PXMP2: variants seen among roughly 807,000 people sequenced by gnomAD.
PXMP2 encodes peroxisomal membrane protein 2, also known as 22 kDa peroxisomal membrane protein.
PXMP2 carries 13 observed loss-of-function variants against 20.2 expected under a neutral mutation model. The observed-to-expected ratio is 0.64, with a 90% CI of 0.42 to 1.02. The LOEUF (loss-of-function observed/expected upper bound fraction) is 1.02, where lower values mean the gene tolerates loss of function less well. Among genes scored for constraint, PXMP2 ranks in the 50% least tolerant of loss-of-function variants. The probability of loss-of-function intolerance (pLI) is 0.00; values close to 1 mark genes in which losing one functional copy is unlikely to be tolerated. For missense variants in PXMP2, 284 were observed against 251.8 expected, an observed-to-expected ratio of 1.13 and a Z score of -0.87; for synonymous variants, 113 against 111.2, an observed-to-expected ratio of 1.02 and a Z score of -0.10.
chr12:132,697,708 AT>A (rs1308794235), intron 3 of PXMP2, among the ~76,000 whole-genome samples: 4 of 151,904 alleles, frequency 2.6e-5, no homozygotes, highest in African/African-American at 9.7e-5. Flanking sequence ...GCCCAGCCGT[AT>A]TTTATTTTAT....
rs12423943 is a variant in PXMP2, at chr12:132,692,417, T to G, written c.236+2041T>G. Among the ~76,000 whole-genome samples the G allele has an allele frequency of 6.5e-4, 53 of 82,124 alleles. 5 individuals carry two copies. The highest frequency in any genetic ancestry group is 7.5e-3 in the Middle Eastern group (1 of 134). 53.9% of individuals were successfully genotyped at this position (82,124 alleles called of 152,430 possible). On this transcript the variant is annotated intron_variant, in intron 2 of 4. Transcript: ENST00000317479. ...TCCCTTAGCCAGTTAATTAGTGAGC[T>G]CCCTTAGCCAGTTAGTTAGTGAGCG...
Position 132,696,108 on chromosome 12 carries a change from C to T in PXMP2, c.399+62C>T. On this transcript the variant is annotated intron_variant, in intron 3 of 4. Transcript: ENST00000317479. The surrounding 1 kb of genome is among the most constrained non-coding windows in gnomAD (Gnocchi z 4.4). ...TTTAGCACAGGGATTCTTCACCTGA[C>T]ATTCTCGGCAGAATTCAGAGGGTCT... The T allele has an allele frequency of 1.4e-6, 2 of 1,469,768 alleles. No individual in the cohort carries two copies. The highest frequency in any genetic ancestry group is 1.4e-5 in the African/African-American group (1 of 70,668). The allele number at this position is 1,469,768 out of a possible 1,614,324, so 91.0% of individuals were successfully genotyped here.
At chr12:132,694,881 G>A (rs576907247) in intron 2 of PXMP2, among the ~76,000 whole-genome samples, 5 of 144,418 alleles carry the variant, frequency 3.5e-5, no homozygotes, top group African/African-American at 7.9e-5. Context: ...GTTAGTTAGT[G>A]AGCGCCCTTG....
At chr12:132,699,786 G>A (rs374561322) in intron 3 of PXMP2, among the ~76,000 whole-genome samples, 2 of 152,030 alleles carry the variant, frequency 1.3e-5, no homozygotes, top group East Asian at 3.9e-4. Context: ...GGACGTTTAG[G>A]TTGATTCCAC....
intron 2 of PXMP2, among the ~76,000 whole-genome samples, chr12:132,694,921 CAGTTAGTGAGCTCCCTTAGCCAGTT>C (rs1565991612): frequency 9.1e-6 from 1 of 109,932 alleles, no homozygotes; most frequent in East Asian, 2.9e-4. Context: ...CCTTGCCAGT[CAGTTAGTGAGCTCCCTTAGCCAGTT>C]AGTTAGTGAG....
At chr12:132,692,293 C>T (rs1367463519) in intron 2 of PXMP2, among the ~76,000 whole-genome samples, 5 of 144,492 alleles carry the variant, frequency 3.5e-5, no homozygotes, top group African/African-American at 1.3e-4. Flanking sequence ...AGTTAGTGAG[C>T]TCCCTTGCCA....
chr12:132,703,450 G>A (rs925613048), intron 4 of PXMP2, among the ~76,000 whole-genome samples: 5 of 152,180 alleles, frequency 3.3e-5, no homozygotes, highest in Admixed American at 1.3e-4. Context: ...CCCCTAAGGA[G>A]TCAGGGTGGA....
intron 3 of PXMP2, among the ~76,000 whole-genome samples, chr12:132,698,289 T>C (rs113096179): frequency 0.039 from 5,910 of 152,294 alleles, 378 homozygotes; most frequent in African/African-American, 0.13. Context: ...GGATTACAGG[T>C]GTGAGCCACT....
In PXMP2 at chr12:132,690,348, G is replaced by C. The variant is rs761233760; in HGVS notation, c.208G>C (p.Gly70Arg). ...KKENSRSLDV[G>R]GPLRYAVYGF... ...AGAAAACTCTAGAAGTCTGGATGTC[G>C]GTGGGCCTCTGAGATATGCCGTTTA... is the stretch of plus-strand genomic sequence containing the variant. The change falls in exon 2 of 5, where the codon GGT (glycine) becomes CGT (arginine). Residue 70 changes from glycine to arginine, a missense_variant. By Grantham distance (125) the Gly-to-Arg change is moderately radical. Coordinates refer to ENST00000317479, the MANE Select transcript of PXMP2 (RefSeq NM_018663.3). 6.2e-7 allele frequency: 1 copy of C among 1,613,836 alleles called. No individual in the cohort carries two copies. Among genetic ancestry groups the C allele is most frequent in the Non-Finnish European group, 8.5e-7 (1 of 1,179,870 alleles).
At chr12:132,689,811 G>C (rs1330703997) in intron 1 of PXMP2, among the ~76,000 whole-genome samples, 1 of 152,120 alleles carries the variant, frequency 6.6e-6, no homozygotes, top group African/African-American at 2.4e-5. Context: ...GTGCAGTATC[G>C]ACCAGGGCAT....
intron 1 of PXMP2, chr12:132,688,022 C>A: frequency 7.5e-6 from 2 of 267,260 alleles, no homozygotes; most frequent in Non-Finnish European, 1.2e-5. Flanking sequence ...GCGTGGAGGG[C>A]CCGCCCAGAC....
intron 2 of PXMP2, among the ~76,000 whole-genome samples, chr12:132,693,914 G>T (rs1234751257): frequency 2.7e-5 from 2 of 74,992 alleles, no homozygotes; most frequent in East Asian, 3.2e-4. Flanking sequence ...GCCAGTTAGT[G>T]AGCGCCCTTG....
chr12:132,700,847 C>CA lies in PXMP2; in HGVS notation c.400-403_400-402insA, dbSNP rs2043435227. 4.4e-5 allele frequency among the ~76,000 whole-genome samples: 5 copies of CA among 113,332 alleles called. No homozygotes were observed. The South Asian group carries it at 1.4e-3, about 31-fold the overall frequency. The allele number at this position is 113,332 out of a possible 152,430, so 74.4% of individuals were successfully genotyped here. Reference sequence around the variant, plus strand: ...ACATTTAGAATGAACTTACTGGAGTCCTTTTTTTTTTTTTTTCATAACTCC... The same window carrying CA: ...ACATTTAGAATGAACTTACTGGAGTCACTTTTTTTTTTTTTTTCATAACTCC... On this transcript the variant is annotated intron_variant, in intron 3 of 4. Coordinates refer to ENST00000317479, the MANE Select transcript of PXMP2 (RefSeq NM_018663.3).
chr12:132,701,270 C>T lies in PXMP2; in HGVS notation c.420C>T (p.Phe140=), dbSNP rs201001554. The T allele has an allele frequency of 2.7e-5, 43 of 1,613,372 alleles. No individual in the cohort carries two copies. Among genetic ancestry groups the T allele is most frequent in the African/African-American group, 8.0e-5 (6 of 74,984 alleles). ...TGCAGGGGAAAGACGCCTCAGCCTTCGCCGCCAAGATGAGGGGGGGCTTCT... is the reference window on the plus strand; with the variant it reads ...TGCAGGGGAAAGACGCCTCAGCCTTTGCCGCCAAGATGAGGGGGGGCTTCT... ...NFLEGKDASA[F]AAKMRGGFWP... Residue 140 remains phenylalanine, a synonymous_variant, in exon 4 of 5, where the codon TTC becomes TTT. Transcript: ENST00000317479.
intron 3 of PXMP2, among the ~76,000 whole-genome samples, chr12:132,697,847 C>T (rs147399461): frequency 7.8e-4 from 118 of 152,246 alleles, no homozygotes; most frequent in Non-Finnish European, 1.2e-3. Flanking sequence ...GTTAACCTAC[C>T]GGCATAATCC....
chr12:132,692,495 T>A (rs2043375660), intron 2 of PXMP2, among the ~76,000 whole-genome samples: 1 of 110,410 alleles, frequency 9.1e-6, no homozygotes, highest in Non-Finnish European at 2.1e-5. Flanking sequence ...GTGAGCTCCC[T>A]TAGCCAGTTA....
At chr12:132,689,651 G>A (rs921065170) in intron 1 of PXMP2, among the ~76,000 whole-genome samples, 3 of 152,168 alleles carry the variant, frequency 2.0e-5, no homozygotes, top group African/African-American at 7.2e-5. Context: ...ACAAACCAAG[G>A]CCTGGAGGGA....
At chr12:132,703,078 A>T (rs563696342) in intron 4 of PXMP2, among the ~76,000 whole-genome samples, 6 of 152,340 alleles carry the variant, frequency 3.9e-5, no homozygotes, top group African/African-American at 7.2e-5. Flanking sequence ...GGCTGAAGCC[A>T]GATTGCCTTG....
Position 132,690,342 on chromosome 12 carries a change from G to A in PXMP2, c.202G>A (p.Asp68Asn), listed in dbSNP as rs1368409217. Residue 68 changes from aspartate to asparagine, a missense_variant, in exon 2 of 5, where the codon GAT becomes AAT. By Grantham distance (23) the Asp-to-Asn change is conservative. Transcript: ENST00000317479. ...GAAAAAAGAAAACTCTAGAAGTCTGGATGTCGGTGGGCCTCTGAGATATGC... is the reference window on the plus strand; with the variant it reads ...GAAAAAAGAAAACTCTAGAAGTCTGAATGTCGGTGGGCCTCTGAGATATGC... Reference protein sequence around the residue: ...KRKKENSRSLDVGGPLRYAVY... With the variant: ...KRKKENSRSLNVGGPLRYAVY... 4 of 1,614,080 alleles carry A rather than the reference G, an allele frequency of 2.5e-6. No homozygotes were observed. Among genetic ancestry groups the A allele is most frequent in the Non-Finnish European group, 3.4e-6 (4 of 1,179,964 alleles).
Sources: gnomAD v4.1 joint callset for allele counts (sites outside exome capture counted in the v4.1 genomes callset) on GRCh38, gnomAD v4.1.1 for gene constraint, Gnocchi (gnomAD v3.1) non-coding constraint, MANE v1.5 for transcripts, NCBI Gene and HGNC (gene_info 2026-07-23, HGNC 2026-07-21) for gene names.